Variants in ARHGEF12 observed in about 807,000 individuals in gnomAD.
The protein encoded by ARHGEF12 is Rho guanine nucleotide exchange factor 12, also known as KMT2A/ARHGEF12 fusion protein.
A neutral mutation model predicts 211.2 loss-of-function variants in ARHGEF12; 66 were observed. The ratio of observed to expected loss-of-function variants is 0.31; its 90% CI spans 0.26 to 0.38. The LOEUF (loss-of-function observed/expected upper bound fraction) is 0.38, where lower values mean the gene tolerates loss of function less well. Ranked by LOEUF, ARHGEF12 falls within the 10% of genes least tolerant of loss-of-function variation. The pLI, the probability that ARHGEF12 is intolerant of heterozygous loss-of-function variation, is 1.00. For missense variants in ARHGEF12, 1,429 were observed against 1,869.5 expected (o/e 0.76, Z 4.34); for synonymous variants, 592 against 638.4 (o/e 0.93, Z 1.09).
intron 4 of ARHGEF12, among the ~76,000 whole-genome samples, chr11:120,416,530 T>C (rs893607231): frequency 6.6e-6 from 1 of 152,218 alleles, no homozygotes; most frequent in African/African-American, 2.4e-5. Context: ...TCCAGCTGTC[T>C]CTCATCTTCT....
chr11:120,467,154 A>G (rs770569216), intron 28 of ARHGEF12, 40 bp from the exon 29 acceptor site: 7 of 1,326,212 alleles, frequency 5.3e-6, no homozygotes, highest in South Asian at 1.2e-5. Flanking sequence ...TATAAGTTCA[A>G]ATAAGAATTA....
At chr11:120,350,241 C>T (rs1000390937) in intron 1 of ARHGEF12, among the ~76,000 whole-genome samples, 14 of 151,966 alleles carry the variant, frequency 9.2e-5, no homozygotes, top group African/African-American at 2.7e-4. Context: ...ATGTGGCAGG[C>T]GCGGTGGCTC....
intron 2 of ARHGEF12, among the ~76,000 whole-genome samples, chr11:120,407,154 G>A (rs571039420): frequency 6.6e-6 from 1 of 152,200 alleles, no homozygotes; most frequent in East Asian, 1.9e-4. Flanking sequence ...TATTGTTATG[G>A]TCTTGTCACC....
At chr11:120,396,677 T>A (rs1944400228) in intron 1 of ARHGEF12, among the ~76,000 whole-genome samples, 1 of 152,310 alleles carries the variant, frequency 6.6e-6, no homozygotes, top group East Asian at 1.9e-4. Flanking sequence ...ACAAAATATA[T>A]TGTAGACCTA....
intron 21 of ARHGEF12, 141 bp downstream of exon 21, chr11:120,449,355 C>G (rs1946136378): frequency 1.5e-6 from 1 of 667,108 alleles, no homozygotes; most frequent in African/African-American, 1.8e-5. Context: ...TGTTTCCATT[C>G]AGCGTTATTT....
intron 1 of ARHGEF12, chr11:120,365,636 A>C (rs1420314875): frequency 6.6e-6 from 1 of 152,208 alleles, no homozygotes; most frequent in African/African-American, 2.4e-5. Flanking sequence ...TCCTACTTCT[A>C]ATTTGTTAGG....
intron 1 of ARHGEF12, among the ~76,000 whole-genome samples, chr11:120,348,668 C>T (rs1269005561): frequency 1.3e-5 from 2 of 152,036 alleles, no homozygotes; most frequent in African/African-American, 4.8e-5. Flanking sequence ...ATGGAGAAAC[C>T]CCATCTCTAC....
At position 120,486,148 on chromosome 11, in the gene ARHGEF12, A is replaced by G. The variant is rs1281248584; in HGVS notation, c.*1071A>G. The stretch of plus-strand genomic sequence containing the variant: ...ATCTAACTGAATCACTACTGAGTTG[A>G]ATCATGGCTATCATTAGCCACAGGT... On this transcript the variant is annotated 3_prime_UTR_variant, in exon 41 of 41. Coordinates refer to ENST00000397843, the MANE Select transcript of ARHGEF12 (RefSeq NM_015313.3). 4.3e-6 allele frequency: 1 copy of G among 233,462 alleles called. No homozygotes were observed. Among genetic ancestry groups the G allele is most frequent in the Non-Finnish European group, 8.5e-6 (1 of 117,960 alleles). 14.5% of individuals were successfully genotyped at this position (233,462 alleles called of 1,614,324 possible).
chr11:120,396,063 C>G (rs185871457), intron 1 of ARHGEF12, among the ~76,000 whole-genome samples: 1 of 152,022 alleles, frequency 6.6e-6, no homozygotes, highest in African/African-American at 2.4e-5. Flanking sequence ...AGGGAAAATG[C>G]AAGTTGAACC....
At chr11:120,484,296 T>G (rs1315208073) in intron 39 of ARHGEF12, 142 bp from the exon 40 acceptor site, 3 of 644,844 alleles carry the variant, frequency 4.7e-6, no homozygotes, top group Admixed American at 6.1e-5. Flanking sequence ...CTAATGAAAT[T>G]TTTAATGATG....
intron 30 of ARHGEF12, 28 bp from the exon 31 acceptor site, chr11:120,473,022 C>T (rs1292839277): frequency 6.2e-7 from 1 of 1,607,638 alleles, no homozygotes; most frequent in African/African-American, 1.3e-5. Flanking sequence ...AAAGCACTAA[C>T]CTTGGTTCCA....
intron 27 of ARHGEF12, chr11:120,462,439 A>C (rs2135912570): frequency 6.6e-6 from 1 of 152,336 alleles, no homozygotes; most frequent in South Asian, 2.1e-4. Flanking sequence ...GAAACAGCTT[A>C]AACTATTATG....
At position 120,385,432 on chromosome 11, in the gene ARHGEF12, A is replaced by C. The variant is rs559633560; in HGVS notation, c.33-20686A>C. 11 of 985,272 alleles carry C rather than the reference A, an allele frequency of 1.1e-5. No homozygotes were observed. The South Asian group carries it at 1.4e-4, about 13-fold the overall frequency. 61.0% of individuals were successfully genotyped at this position (985,272 alleles called of 1,614,324 possible). A position where few individuals can be genotyped will look rare whatever the true frequency, so the allele number is the denominator to read the frequency against. Reference sequence around the variant, plus strand: ...TGAGGATTTCATTTTCTTCTACTCCATGGAAACGAGCCTTTTGAGCTTTTG... The same window carrying C: ...TGAGGATTTCATTTTCTTCTACTCCCTGGAAACGAGCCTTTTGAGCTTTTG... On this transcript the variant is annotated intron_variant, in intron 1 of 40. Transcript: ENST00000397843.
chr11:120,363,588 G>A (rs902170978), intron 1 of ARHGEF12, among the ~76,000 whole-genome samples: 1 of 152,150 alleles, frequency 6.6e-6, no homozygotes, highest in Non-Finnish European at 1.5e-5. Flanking sequence ...TAATAATTTG[G>A]TGCTTATGTG....
intron 16 of ARHGEF12, 48 bp downstream of exon 16, chr11:120,445,512 T>C (rs776094839): frequency 9.0e-5 from 141 of 1,566,434 alleles, no homozygotes; most frequent in Non-Finnish European, 1.2e-4. Context: ...TTAATAGATA[T>C]GTAGCTCAGC....
chr11:120,472,070 A>G (rs924543220), intron 30 of ARHGEF12, among the ~76,000 whole-genome samples: 3 of 152,176 alleles, frequency 2.0e-5, no homozygotes, highest in African/African-American at 7.2e-5. Flanking sequence ...AAAAAATGAA[A>G]TAACTCTCTA....
chr11:120,455,332 T>C (rs1946331005), intron 22 of ARHGEF12, among the ~76,000 whole-genome samples: 1 of 152,182 alleles, frequency 6.6e-6, no homozygotes, highest in Non-Finnish European at 1.5e-5. Context: ...GAAACTGTAG[T>C]GCACCAGGGA....
chr11:120,468,796 A>G (rs796880420), intron 29 of ARHGEF12, among the ~76,000 whole-genome samples: 33 of 152,158 alleles, frequency 2.2e-4, no homozygotes, highest in African/African-American at 6.3e-4. Flanking sequence ...AATGTAATCT[A>G]TTTTCTTTCT....
At chr11:120,445,520 A>C in intron 16 of ARHGEF12, 56 bp downstream of exon 16, 28 of 1,537,058 alleles carry the variant, frequency 1.8e-5, no homozygotes, top group Middle Eastern at 1.7e-4. Flanking sequence ...TATGTAGCTC[A>C]GCTCATCTGT....
Sources: gnomAD v4.1 joint callset for allele counts (sites outside exome capture counted in the v4.1 genomes callset) on GRCh38, gnomAD v4.1.1 for gene constraint, MANE v1.5 for transcripts, NCBI Gene and HGNC (gene_info 2026-07-23, HGNC 2026-07-21) for gene names.